The following TNFAIP3 variants were observed in gnomAD, a reference collection of about 807,000 sequenced individuals.
TNFAIP3 encodes TNF alpha induced protein 3.
TNFAIP3 carries 9 observed loss-of-function variants against 72.4 expected under a neutral mutation model. The observed-to-expected ratio is 0.12, with a 90% confidence interval of 0.07 to 0.22. TNFAIP3 has a LOEUF of 0.22. Ranked by LOEUF, TNFAIP3 falls within the 10% of genes least tolerant of loss-of-function variation. The probability of loss-of-function intolerance (pLI) is 1.00; values close to 1 mark genes in which losing one functional copy is unlikely to be tolerated. For missense variants in TNFAIP3, 833 were observed against 1,018.7 expected, an observed-to-expected ratio of 0.82 and a Z score of 2.48; for synonymous variants, 339 against 372.6, an observed-to-expected ratio of 0.91 and a Z score of 1.04.
chr6:137,881,039 C>T lies in TNFAIP3; in HGVS notation c.2093C>T (p.Ser698Leu), dbSNP rs763346708. ...CTGCCTGTTCTTTCCACTCAGAGAT[C>T]GAGCCAGCGCAGAGATGTGCCTCGA... is the stretch of plus-strand genomic sequence containing the variant. ...EAKRTEEQLR[S>L]SQRRDVPRTT... is the part of the protein sequence containing the mutation. The change falls in exon 9 of 9, where the codon TCG becomes TTG. Residue 698 changes from serine to leucine, a missense_variant. Physicochemically the swap from Ser to Leu is moderately radical, Grantham distance 145 (BLOSUM62 -2). Around this residue, in one of 2 missense-constraint regions of TNFAIP3, gnomAD observed 587 missense variants for 657.8 expected, o/e 0.89. Transcript: ENST00000612899. The surrounding 1 kb of genome is among the most constrained non-coding windows in gnomAD (Gnocchi z 5.0). 5 of 1,589,254 alleles carry T rather than the reference C, an allele frequency of 3.1e-6. No individual in the cohort carries two copies. Among genetic ancestry groups the T allele is most frequent in the Non-Finnish European group, 3.4e-6 (4 of 1,165,284 alleles).
rs1776353437 is a variant in TNFAIP3 at position 137,879,098 on chromosome 6, C to G, written c.1653C>G (p.Leu551=). ...CTACAGCAGAGGCCTCCTCCAGCCTCAGCACCAGCCTCCCTCCTTCCTGTC... is the reference window on the plus strand; with the variant it reads ...CTACAGCAGAGGCCTCCTCCAGCCTGAGCACCAGCCTCCCTCCTTCCTGTC... ...KRTTAEASSS[L]STSLPPSCHQ... Residue 551 remains leucine, a synonymous_variant, in exon 7 of 9, where the codon CTC becomes CTG. Transcript: ENST00000612899. 6.2e-7 allele frequency: 1 copy of G among 1,614,060 alleles called. No individual in the cohort carries two copies. The highest frequency in any genetic ancestry group is 8.5e-7 in the Non-Finnish European group (1 of 1,180,028).
At chr6:137,874,677 G>A (rs897480885) in intron 2 of TNFAIP3, among the ~76,000 whole-genome samples, 168 bp from the exon 3 acceptor site, 2 of 152,136 alleles carry the variant, frequency 1.3e-5, no homozygotes, top group Non-Finnish European at 2.9e-5. Context: ...TCTTAAAGCT[G>A]TCATCATCTT....
At position 137,881,448 on chromosome 6, in the gene TNFAIP3, A is replaced by G; in HGVS notation, c.*129A>G. On this transcript the variant is annotated 3_prime_UTR_variant, in exon 9 of 9. Transcript: ENST00000612899. The surrounding 1 kb of genome is among the most constrained non-coding windows in gnomAD (Gnocchi z 5.0). ...TAAGGGTGTCTGAGCAGGAGAGGAA[A>G]GATAAGCTCTTCGTGGTGCCCACGA... is the stretch of plus-strand genomic sequence containing the variant. 3.6e-6 allele frequency: 3 copies of G among 841,152 alleles called. No individual in the cohort carries two copies. Among genetic ancestry groups the G allele is most frequent in the Non-Finnish European group, 5.4e-6 (3 of 559,428 alleles). The allele number at this position is 841,152 out of a possible 1,614,324, so 52.1% of individuals were successfully genotyped here.
chr6:137,880,197 T>C lies in TNFAIP3; in HGVS notation c.2033T>C (p.Phe678Ser). 6.2e-7 allele frequency: 1 copy of C among 1,614,152 alleles called. No individual in the cohort carries two copies. The highest frequency in any genetic ancestry group is 8.5e-7 in the Non-Finnish European group (1 of 1,180,008). Reference protein sequence around the residue: ...TMFEGYCQKCFIEAQNQRFHE... With the variant: ...TMFEGYCQKCSIEAQNQRFHE... ...TTTGAAGGATACTGCCAGAAGTGTTTCATTGAAGCTCAGAATCAGAGATTT... is the reference window on the plus strand; with the variant it reads ...TTTGAAGGATACTGCCAGAAGTGTTCCATTGAAGCTCAGAATCAGAGATTT... The change falls in exon 8 of 9, where the codon TTC becomes TCC. Residue 678 changes from phenylalanine (F) to serine (S), a missense_variant. Around this residue, in one of 2 missense-constraint regions of TNFAIP3, gnomAD observed 587 missense variants for 657.8 expected, o/e 0.89. Transcript: ENST00000612899.
chr6:137,871,622 C>A lies in TNFAIP3; in HGVS notation c.295+100C>A. 7.4e-7 allele frequency: 1 copy of A among 1,345,812 alleles called. No homozygotes were observed. The highest frequency in any genetic ancestry group is 1.0e-6 in the Non-Finnish European group (1 of 982,616). 83.4% of individuals were successfully genotyped at this position (1,345,812 alleles called of 1,614,324 possible). On this transcript the variant is annotated intron_variant, in intron 2 of 8. Coordinates refer to ENST00000612899, the MANE Select transcript of TNFAIP3 (RefSeq NM_001270508.2). This position sits in a 1 kb window ranked among gnomAD's most constrained non-coding sequence, Gnocchi z 4.2. ...TAATAGGACAAGCCCAAACTCAAAT[C>A]AATCTTGAGATTTAGTATTGAGACC...
chr6:137,883,106 T>G lies in TNFAIP3; in HGVS notation c.*1787T>G, dbSNP rs1311132944. ...TCATCTAATTCTCTTAAAGTTGATA[T>G]CTTAATATTTTGTGTTGATCATTAT... On this transcript the variant is annotated 3_prime_UTR_variant, in exon 9 of 9. Coordinates refer to ENST00000612899, the MANE Select transcript of TNFAIP3 (RefSeq NM_001270508.2). 3 of 208,778 alleles carry G rather than the reference T, an allele frequency of 1.4e-5. No homozygotes were observed. Among genetic ancestry groups the G allele is most frequent in the African/African-American group, 2.3e-5 (1 of 43,986 alleles). The allele number at this position is 208,778 out of a possible 1,614,324, so 12.9% of individuals were successfully genotyped here.
rs778507437 is a variant in TNFAIP3 at position 137,871,308 on chromosome 6, A to C, written c.81A>C (p.Glu27Asp). 6.2e-7 allele frequency: 1 copy of C among 1,614,212 alleles called. No homozygotes were observed. Among genetic ancestry groups the C allele is most frequent in the Non-Finnish European group, 8.5e-7 (1 of 1,180,036 alleles). ...KAVKIRERTP[E>D]DIFKPTNGII... Reference sequence around the variant, plus strand: ...TGAAGATACGGGAGAGAACTCCAGAAGACATTTTTAAACCTACTAATGGGA... The same window carrying C: ...TGAAGATACGGGAGAGAACTCCAGACGACATTTTTAAACCTACTAATGGGA... The change falls in exon 2 of 9, where the codon GAA (glutamate) becomes GAC (aspartate). Residue 27 changes from glutamate to aspartate, a missense_variant. By Grantham distance (45) the Glu-to-Asp change is conservative (BLOSUM62 2). This residue lies in a region of TNFAIP3 where 246 missense variants were observed against 360.9 expected (regional missense o/e 0.68). Coordinates refer to ENST00000612899, the MANE Select transcript of TNFAIP3 (RefSeq NM_001270508.2). This position sits in a 1 kb window ranked among gnomAD's most constrained non-coding sequence, Gnocchi z 4.2.
rs559661500 is a variant in TNFAIP3, at chr6:137,880,893, A to G, written c.2089-142A>G. Reference sequence around the variant, plus strand: ...CGAGAGCTCTGGCTCATAGACTGCAATGCTCTCCTGTTCCCTTGCTCAGGC... The same window carrying G: ...CGAGAGCTCTGGCTCATAGACTGCAGTGCTCTCCTGTTCCCTTGCTCAGGC... On this transcript the variant is annotated intron_variant, in intron 8 of 8. Transcript: ENST00000612899. The G allele has an allele frequency of 3.1e-5, 26 of 845,110 alleles. No homozygotes were observed. The African/African-American group carries it at 3.1e-4, about 10-fold the overall frequency. The allele number at this position is 845,110 out of a possible 1,614,324, so 52.4% of individuals were successfully genotyped here. A position where few individuals can be genotyped will look rare whatever the true frequency, so the allele number is the denominator to read the frequency against.
chr6:137,879,907 T>A (rs1269911248), intron 7 of TNFAIP3, among the ~76,000 whole-genome samples, 164 bp from the exon 8 acceptor site: 1 of 152,228 alleles, frequency 6.6e-6, no homozygotes, highest in Non-Finnish European at 1.5e-5. Context: ...GGATGTTATT[T>A]CTTTTGCTGA....
Position 137,880,462 on chromosome 6 carries a change from A to G in TNFAIP3, c.2088+210A>G, listed in dbSNP as rs868336819. Among the ~76,000 whole-genome samples, 3 of 152,228 alleles carry G rather than the reference A, an allele frequency of 2.0e-5. No homozygotes were observed. The South Asian group carries it at 6.2e-4, about 32-fold the overall frequency. On this transcript the variant is annotated intron_variant, in intron 8 of 8. Coordinates refer to ENST00000612899, the MANE Select transcript of TNFAIP3 (RefSeq NM_001270508.2). ...TACCTCCAATTTTCATGCTCCAAGTATGCTTTCAAATTTATTTTAAAAACA... is the reference window on the plus strand; with the variant it reads ...TACCTCCAATTTTCATGCTCCAAGTGTGCTTTCAAATTTATTTTAAAAACA...
chr6:137,867,872 C>T lies in TNFAIP3; in HGVS notation c.-16+330C>T. The T allele has an allele frequency of 6.6e-6, 1 of 152,450 alleles. No homozygotes were observed. Among genetic ancestry groups the T allele is most frequent in the East Asian group, 1.9e-4 (1 of 5,338 alleles). 9.4% of individuals were successfully genotyped at this position (152,450 alleles called of 1,614,324 possible). On this transcript the variant is annotated intron_variant, in intron 1 of 8. Transcript: ENST00000612899. The surrounding 1 kb of genome is among the most constrained non-coding windows in gnomAD (Gnocchi z 6.0). ...GTGGTCGTTGGCGCTTTGCTCCTTTCGTGTCTTTTTTGGAGCCAAGCGTTG... is the reference window on the plus strand; with the variant it reads ...GTGGTCGTTGGCGCTTTGCTCCTTTTGTGTCTTTTTTGGAGCCAAGCGTTG...
At chr6:137,879,990 C>T (rs1776391393) in intron 7 of TNFAIP3, 81 bp from the exon 8 acceptor site, 4 of 1,251,094 alleles carry the variant, frequency 3.2e-6, no homozygotes, top group Admixed American at 2.1e-5. Flanking sequence ...ATTTGGAACC[C>T]ATTTATTTCT....
chr6:137,880,765 A>G (rs1261660265), intron 8 of TNFAIP3, among the ~76,000 whole-genome samples: 1 of 152,202 alleles, frequency 6.6e-6, no homozygotes, highest in Non-Finnish European at 1.5e-5. Context: ...TCCCAACAGA[A>G]GAGAGCCAGG....
In TNFAIP3 at chr6:137,881,671, G is replaced by T. The variant is rs1024629447; in HGVS notation, c.*352G>T. The stretch of plus-strand genomic sequence containing the variant: ...CCCTGCGCATCAGGACTGCTTCATC[G>T]TCTTGGCTGAGAAAGGGAAAAGACA... On this transcript the variant is annotated 3_prime_UTR_variant, in exon 9 of 9. Transcript: ENST00000612899. The surrounding 1 kb of genome is among the most constrained non-coding windows in gnomAD (Gnocchi z 5.0). 2 of 274,474 alleles carry T rather than the reference G, an allele frequency of 7.3e-6. No individual in the cohort carries two copies. The highest frequency in any genetic ancestry group is 1.4e-5 in the Non-Finnish European group (2 of 146,480). 17.0% of individuals were successfully genotyped at this position (274,474 alleles called of 1,614,324 possible).
rs1776068132 is a variant in TNFAIP3 at position 137,871,617 on chromosome 6, C to A, written c.295+95C>A. On this transcript the variant is annotated intron_variant, in intron 2 of 8. Transcript: ENST00000612899. This position sits in a 1 kb window ranked among gnomAD's most constrained non-coding sequence, Gnocchi z 4.2. ...AGCTTTAATAGGACAAGCCCAAACT[C>A]AAATCAATCTTGAGATTTAGTATTG... 2 of 1,389,488 alleles carry A rather than the reference C, an allele frequency of 1.4e-6. No individual in the cohort carries two copies. The highest frequency in any genetic ancestry group is 2.2e-5 in the Admixed American group (1 of 46,160). 86.1% of individuals were successfully genotyped at this position (1,389,488 alleles called of 1,614,324 possible).
chr6:137,871,052 G>C lies in TNFAIP3; in HGVS notation c.-15-161G>C, dbSNP rs967097271. 2.6e-5 allele frequency among the ~76,000 whole-genome samples: 4 copies of C among 152,172 alleles called. No homozygotes were observed. The highest frequency in any genetic ancestry group is 9.7e-5 in the African/African-American group (4 of 41,438). ...AACAGTCCAGTGTGAGTTAATCTCT[G>C]GGGCCAGCTAGTATCCCGGGAGTAG... On this transcript the variant is annotated intron_variant, in intron 1 of 8. Coordinates refer to ENST00000612899, the MANE Select transcript of TNFAIP3 (RefSeq NM_001270508.2). This position sits in a 1 kb window ranked among gnomAD's most constrained non-coding sequence, Gnocchi z 4.2.
Position 137,867,356 on chromosome 6 carries a change from C to G in TNFAIP3, c.-202C>G, listed in dbSNP as rs575849014. 1 of 152,652 alleles carries G rather than the reference C, an allele frequency of 6.6e-6. No individual in the cohort carries two copies. The highest frequency in any genetic ancestry group is 6.5e-5 in the Admixed American group (1 of 15,300). 9.5% of individuals were successfully genotyped at this position (152,652 alleles called of 1,614,324 possible). On this transcript the variant is annotated 5_prime_UTR_variant, in exon 1 of 9. Transcript: ENST00000612899. The surrounding 1 kb of genome is among the most constrained non-coding windows in gnomAD (Gnocchi z 6.0). ...AAGAGAGATCACACCCCCAGCCGAC[C>G]CTGCCAGCGAGCGAGCCCGACCCCA...
intron 7 of TNFAIP3, 91 bp downstream of exon 7, chr6:137,879,442 G>T (rs1562273607): frequency 1.6e-5 from 23 of 1,429,646 alleles, no homozygotes; most frequent in Non-Finnish European, 2.2e-5. Context: ...CATGTAGGCA[G>T]TCAGGCAGAA....
intron 1 of TNFAIP3, among the ~76,000 whole-genome samples, chr6:137,869,153 A>C (rs1334952127): frequency 6.6e-6 from 1 of 152,182 alleles, no homozygotes; most frequent in Non-Finnish European, 1.5e-5. Flanking sequence ...TTGCCCCTGA[A>C]TGGCTGTGGG....
Sources: gnomAD v4.1 joint callset for allele counts (sites outside exome capture counted in the v4.1 genomes callset) on GRCh38, gnomAD v4.1.1 for gene constraint, gnomAD v4.1.1 regional missense constraint, Gnocchi (gnomAD v3.1) non-coding constraint, MANE v1.5 for transcripts, NCBI Gene and HGNC (gene_info 2026-07-23, HGNC 2026-07-21) for gene names.